Variants in DOCK1 observed in about 807,000 individuals in gnomAD.
DOCK1 encodes dedicator of cytokinesis 1.
DOCK1 carries 138 observed loss-of-function variants against 262.7 expected under a neutral mutation model. The ratio of observed to expected loss-of-function variants is 0.53; its 90% CI spans 0.46 to 0.61. The LOEUF is 0.61. Ranked by LOEUF, DOCK1 falls within the 20% of genes least tolerant of loss-of-function variation. The pLI, the probability that DOCK1 is intolerant of heterozygous loss-of-function variation, is 0.00. For synonymous variants in DOCK1, 866 were observed against 867.4 expected, an observed-to-expected ratio of 1.00 and a Z score of 0.03; for missense variants, 1,908 against 2,370.7, an observed-to-expected ratio of 0.80 and a Z score of 4.05.
intron 25 of DOCK1, among the ~76,000 whole-genome samples, chr10:127,115,109 C>G (rs937155375): frequency 6.6e-6 from 1 of 152,164 alleles, no homozygotes; most frequent in Admixed American, 6.6e-5. Flanking sequence ...AGGCAAATCT[C>G]TGCCATCACA....
At position 127,176,022 on chromosome 10, in the gene DOCK1, C is replaced by T. The variant is rs1440300081; in HGVS notation, c.2847+48258C>T. On this transcript the variant is annotated intron_variant, in intron 27 of 51. Coordinates refer to ENST00000623213, the MANE Select transcript of DOCK1 (RefSeq NM_001290223.2). This position sits in a 1 kb window ranked among gnomAD's most constrained non-coding sequence, Gnocchi z 4.4. The stretch of plus-strand genomic sequence containing the variant: ...TGCAGCTGGGAGGCTTTTGAGGTTC[C>T]CCTTTTTGCGGTCCAGAGGGAACGT... 1.9e-6 allele frequency: 3 copies of T among 1,614,042 alleles called. No homozygotes were observed. The highest frequency in any genetic ancestry group is 2.5e-6 in the Non-Finnish European group (3 of 1,180,050).
At chr10:127,214,840 C>G (rs1397713796) in intron 27 of DOCK1, among the ~76,000 whole-genome samples, 1 of 152,212 alleles carries the variant, frequency 6.6e-6, no homozygotes, top group Non-Finnish European at 1.5e-5. Context: ...GTGATTCCTT[C>G]TCAGCCACTC....
intron 49 of DOCK1, 70 bp downstream of exon 49, chr10:127,439,295 C>T: frequency 1.0e-5 from 15 of 1,492,832 alleles, no homozygotes; most frequent in Non-Finnish European, 1.4e-5. Context: ...CACCTGTAGC[C>T]AACAGGGCTG....
intron 31 of DOCK1, 52 bp downstream of exon 31, chr10:127,343,798 C>G: frequency 1.4e-6 from 2 of 1,386,030 alleles, no homozygotes; most frequent in South Asian, 2.6e-5. Context: ...CAACTCTAAT[C>G]GCATAATTTT....
chr10:127,138,037 G>C, intron 27 of DOCK1: 2 of 1,589,830 alleles, frequency 1.3e-6, no homozygotes, highest in Non-Finnish European at 1.7e-6. Flanking sequence ...AAGAGAGAGA[G>C]TGAAGACTTT....
chr10:127,085,575 T>C (rs538041601), intron 23 of DOCK1, among the ~76,000 whole-genome samples: 42 of 152,088 alleles, frequency 2.8e-4, no homozygotes, highest in Non-Finnish European at 4.1e-4. Context: ...CTGGCTAACA[T>C]AGTGAAACCC....
intron 23 of DOCK1, among the ~76,000 whole-genome samples, chr10:127,089,195 C>T (rs751413775): frequency 3.3e-5 from 5 of 152,146 alleles, no homozygotes; most frequent in Non-Finnish European, 7.3e-5. Flanking sequence ...GTCCCTGGAC[C>T]CCTCCCGTGA....
chr10:127,120,842 T>C (rs1341727301), intron 25 of DOCK1, among the ~76,000 whole-genome samples: 1 of 152,214 alleles, frequency 6.6e-6, no homozygotes, highest in African/African-American at 2.4e-5. Context: ...TAGTTTTCTT[T>C]TGTGTCCTTT....
chr10:127,410,933 C>A lies in DOCK1; in HGVS notation c.4428+9C>A. The A allele has an allele frequency of 6.2e-7, 1 of 1,611,554 alleles. No individual in the cohort carries two copies. The highest frequency in any genetic ancestry group is 8.5e-7 in the Non-Finnish European group (1 of 1,178,856). The stretch of plus-strand genomic sequence containing the variant: ...CAGACAATGAATTTGCGGTAAAAAA[C>A]AAACAAACCACCAAACCAAACAACA... On this transcript the variant is annotated intron_variant, in intron 43 of 51. Transcript: ENST00000623213.
At chr10:127,447,656 G>C in intron 51 of DOCK1, 111 bp downstream of exon 51, 1 of 1,464,274 alleles carries the variant, frequency 6.8e-7, no homozygotes, top group Non-Finnish European at 9.1e-7. Flanking sequence ...AGCACATGAG[G>C]AAAACCATGT....
intron 11 of DOCK1, among the ~76,000 whole-genome samples, 190 bp downstream of exon 11, chr10:127,008,994 TG>T (rs1274312156): frequency 6.6e-6 from 1 of 152,224 alleles, no homozygotes; most frequent in African/African-American, 2.4e-5. Flanking sequence ...GGTCAAAGTT[TG>T]TTTATGGTCC....
intron 5 of DOCK1, 116 bp downstream of exon 5, chr10:126,987,733 G>C: frequency 1.0e-6 from 1 of 981,316 alleles, no homozygotes; most frequent in Non-Finnish European, 1.5e-6. Context: ...GAGCTTCCGA[G>C]ACAGAGTTTT....
intron 21 of DOCK1, among the ~76,000 whole-genome samples, chr10:127,047,129 G>A (rs987346551): frequency 3.9e-5 from 6 of 152,020 alleles, no homozygotes; most frequent in Non-Finnish European, 5.9e-5. Context: ...AAAAATGACC[G>A]TGTGTTGTTG....
chr10:127,283,205 C>T (rs1208547181), intron 29 of DOCK1, among the ~76,000 whole-genome samples: 1 of 152,238 alleles, frequency 6.6e-6, no homozygotes, highest in Admixed American at 6.5e-5. Flanking sequence ...CCCAGCTGTG[C>T]TTCCACACCC....
intron 35 of DOCK1, among the ~76,000 whole-genome samples, chr10:127,375,238 T>C (rs2065423612): frequency 6.6e-6 from 1 of 152,208 alleles, no homozygotes; most frequent in Non-Finnish European, 1.5e-5. Flanking sequence ...ACAGCCTGGC[T>C]CCAGAGCTCT....
At chr10:127,121,988 T>A (rs1345540260) in intron 25 of DOCK1, among the ~76,000 whole-genome samples, 1 of 152,210 alleles carries the variant, frequency 6.6e-6, no homozygotes, top group East Asian at 1.9e-4. Flanking sequence ...ATAGGAAGGC[T>A]TCTGCTCTTA....
intron 27 of DOCK1, among the ~76,000 whole-genome samples, chr10:127,144,196 AG>A (rs2133340684): frequency 6.6e-6 from 1 of 152,242 alleles, no homozygotes; most frequent in Non-Finnish European, 1.5e-5. Flanking sequence ...GAGTCACCTT[AG>A]GAAAACTGGC....
chr10:127,164,430 G>T (rs1002099867), intron 27 of DOCK1, among the ~76,000 whole-genome samples: 29 of 151,858 alleles, frequency 1.9e-4, no homozygotes, highest in Non-Finnish European at 4.0e-4. Context: ...TGATCCACCC[G>T]CCTCGGCCTC....
chr10:127,075,409 C>CTA (rs2046467954), intron 23 of DOCK1, among the ~76,000 whole-genome samples: 1 of 152,022 alleles, frequency 6.6e-6, no homozygotes, highest in African/African-American at 2.4e-5. Context: ...GTAGCTGGGA[C>CTA]TATAGGCCAG....
Sources: gnomAD v4.1 joint callset for allele counts (sites outside exome capture counted in the v4.1 genomes callset) on GRCh38, gnomAD v4.1.1 for gene constraint, Gnocchi (gnomAD v3.1) non-coding constraint, MANE v1.5 for transcripts, NCBI Gene and HGNC (gene_info 2026-07-23, HGNC 2026-07-21) for gene names.